Variants in SLC45A4 observed in about 807,000 individuals in gnomAD.
The protein encoded by SLC45A4 is polyamine-transporter SLC45A4.
Under a neutral mutation model 63.7 loss-of-function variants are expected in SLC45A4, and 32 were observed. The ratio of observed to expected loss-of-function variants is 0.50; its 90% CI spans 0.38 to 0.67. The LOEUF (loss-of-function observed/expected upper bound fraction) is 0.67, where lower values mean the gene tolerates loss of function less well. SLC45A4 is among the 30% of genes least tolerant of loss of function. SLC45A4 has a pLI of 0.00. For synonymous variants in SLC45A4, 535 were observed against 510.0 expected (o/e 1.05, Z -0.66); for missense variants, 1,027 against 1,157.7 (o/e 0.89, Z 1.64).
At chr8:141,216,962 T>G in intron 6 of SLC45A4, 128 bp downstream of exon 6, 1 of 909,610 alleles carries the variant, frequency 1.1e-6, no homozygotes, top group Non-Finnish European at 1.7e-6. Context: ...GGTGGCCCTG[T>G]TTTGAGGGAC....
At chr8:141,269,919 C>G (rs1459676694) in intron 1 of SLC45A4, among the ~76,000 whole-genome samples, 1 of 152,174 alleles carries the variant, frequency 6.6e-6, no homozygotes, top group Non-Finnish European at 1.5e-5. Flanking sequence ...GGCATCCCCA[C>G]AGCAGAGGCA....
chr8:141,217,295 G>T, intron 5 of SLC45A4, 106 bp from the exon 6 acceptor site: 1 of 1,206,022 alleles, frequency 8.3e-7, no homozygotes, highest in South Asian at 1.4e-5. Flanking sequence ...TTCTAAGAGC[G>T]GTGACAGGAA....
chr8:141,263,743 C>T (rs1829138809), intron 1 of SLC45A4, among the ~76,000 whole-genome samples: 1 of 143,744 alleles, frequency 7.0e-6, no homozygotes, highest in East Asian at 2.0e-4. Flanking sequence ...GTACTCCAGC[C>T]TGGGCGACAG....
intron 2 of SLC45A4, among the ~76,000 whole-genome samples, chr8:141,238,302 T>C (rs186678317): frequency 7.4e-4 from 112 of 152,296 alleles, no homozygotes; most frequent in African/African-American, 2.6e-3. Context: ...TTTTTTCACA[T>C]TTTTATTGTG....
intron 2 of SLC45A4, among the ~76,000 whole-genome samples, chr8:141,235,946 A>G (rs1827605008): frequency 6.6e-6 from 1 of 152,116 alleles, no homozygotes; most frequent in African/African-American, 2.4e-5. Context: ...TACTAAAAAT[A>G]TAAAAAAATT....
At chr8:141,279,381 A>T (rs1829851785) in intron 1 of SLC45A4, among the ~76,000 whole-genome samples, 2 of 152,256 alleles carry the variant, frequency 1.3e-5, no homozygotes, top group Non-Finnish European at 2.9e-5. Flanking sequence ...TGAAGGAGCA[A>T]GTCGGCTAAG....
At chr8:141,271,684 G>A (rs1370894151) in intron 1 of SLC45A4, among the ~76,000 whole-genome samples, 1 of 152,196 alleles carries the variant, frequency 6.6e-6, no homozygotes, top group Non-Finnish European at 1.5e-5. Flanking sequence ...GCAGGGGAGA[G>A]CCACTCTCAC....
chr8:141,295,738 T>C (rs569024913), intron 1 of SLC45A4, among the ~76,000 whole-genome samples: 6 of 152,314 alleles, frequency 3.9e-5, no homozygotes, highest in African/African-American at 1.4e-4. Flanking sequence ...CTCCAGAGGC[T>C]GGAAGCACCT....
chr8:141,254,366 T>C lies in SLC45A4; in HGVS notation c.-137A>G, dbSNP rs1246852841. 2.0e-6 allele frequency: 2 copies of C among 1,023,760 alleles called. No homozygotes were observed. The highest frequency in any genetic ancestry group is 2.8e-6 in the Non-Finnish European group (2 of 720,628). The allele number at this position is 1,023,760 out of a possible 1,614,324, so 63.4% of individuals were successfully genotyped here. A position where few individuals can be genotyped will look rare whatever the true frequency, so the allele number is the denominator to read the frequency against. On this transcript the variant is annotated 5_prime_UTR_variant, in exon 2 of 9. Transcript: ENST00000517878. This position sits in a 1 kb window ranked among gnomAD's most constrained non-coding sequence, Gnocchi z 4.5. ...CTCGGGCAGGTAACACTTACATTCC[T>C]CTTTGCACAAGTGGCTATCTCACAA... is the stretch of plus-strand genomic sequence containing the variant.
chr8:141,286,624 G>C (rs1157584995), intron 1 of SLC45A4, among the ~76,000 whole-genome samples: 1 of 152,058 alleles, frequency 6.6e-6, no homozygotes, highest in African/African-American at 2.4e-5. Flanking sequence ...ACTTTCTTCA[G>C]AGCCTGCCCC....
chr8:141,263,780 A>T (rs1589829620), intron 1 of SLC45A4, among the ~76,000 whole-genome samples: 1 of 145,784 alleles, frequency 6.9e-6, no homozygotes, highest in African/African-American at 2.5e-5. Flanking sequence ...AAAAAAAAAA[A>T]AAATAAAAAT....
intron 2 of SLC45A4, among the ~76,000 whole-genome samples, chr8:141,241,407 G>A (rs866922665): frequency 8.5e-5 from 13 of 152,276 alleles, no homozygotes; most frequent in African/African-American, 3.1e-4. Flanking sequence ...TGCTGCCTTC[G>A]GGGAAGGGAG....
chr8:141,257,512 A>G (rs1196332555), intron 1 of SLC45A4, among the ~76,000 whole-genome samples: 1 of 152,236 alleles, frequency 6.6e-6, no homozygotes, highest in African/African-American at 2.4e-5. Context: ...TGCCTGCTCA[A>G]TCGGCTCTTT....
At chr8:141,272,466 G>A (rs760117447) in intron 1 of SLC45A4, among the ~76,000 whole-genome samples, 5 of 152,194 alleles carry the variant, frequency 3.3e-5, no homozygotes, top group Admixed American at 6.5e-5. Context: ...GGTCGTGACT[G>A]GTTTCACAGC....
chr8:141,262,473 C>T (rs1322620445), intron 1 of SLC45A4, among the ~76,000 whole-genome samples: 7 of 151,280 alleles, frequency 4.6e-5, no homozygotes, highest in African/African-American at 1.7e-4. Context: ...ACTCATCTGA[C>T]AAAGGGCTAA....
chr8:141,264,258 G>A (rs936273313), intron 1 of SLC45A4, among the ~76,000 whole-genome samples: 5 of 152,126 alleles, frequency 3.3e-5, no homozygotes, highest in African/African-American at 1.2e-4. Flanking sequence ...TGCATCTCCC[G>A]GTGGCCCTCT....
chr8:141,241,167 T>G (rs1450765609), intron 2 of SLC45A4, among the ~76,000 whole-genome samples: 1 of 152,254 alleles, frequency 6.6e-6, no homozygotes, highest in Non-Finnish European at 1.5e-5. Context: ...GGAAATGTAG[T>G]GCATAACACA....
chr8:141,219,589 C>T (rs1465100716), intron 4 of SLC45A4, 61 bp downstream of exon 4: 9 of 1,539,300 alleles, frequency 5.8e-6, no homozygotes, highest in Admixed American at 1.8e-5. Flanking sequence ...CCTGTCCCCT[C>T]CCCACACCAG....
chr8:141,213,279 C>T (rs149271051), intron 7 of SLC45A4, among the ~76,000 whole-genome samples: 2 of 152,298 alleles, frequency 1.3e-5, no homozygotes, highest in Admixed American at 6.5e-5. Context: ...AGGTGCAGGA[C>T]CCACATTCTT....
Sources: allele counts gnomAD v4.1 joint callset (sites outside exome capture counted in the v4.1 genomes callset), GRCh38; gene constraint gnomAD v4.1.1; non-coding constraint Gnocchi (gnomAD v3.1); transcripts MANE v1.5; gene names NCBI Gene and HGNC (gene_info 2026-07-23, HGNC 2026-07-21).